Variants in LRBA observed in about 807,000 individuals in gnomAD.
The protein encoded by LRBA is LPS responsive beige-like anchor protein, also known as lipopolysaccharide-responsive and beige-like anchor protein.
A neutral mutation model predicts 330.0 loss-of-function variants in LRBA; 176 were observed. The observed-to-expected ratio is 0.53, with a 90% CI of 0.47 to 0.60. The LOEUF is 0.60. LRBA is among the 20% of genes least tolerant of loss of function. LRBA has a pLI of 0.00. For missense variants in LRBA, 3,259 were observed against 3,444.8 expected (o/e 0.95, Z 1.35); for synonymous variants, 1,230 against 1,193.0 (o/e 1.03, Z -0.64).
chr4:150,558,204 T>C (rs1003795809), intron 40 of LRBA, among the ~76,000 whole-genome samples: 1 of 152,090 alleles, frequency 6.6e-6, no homozygotes, highest in Non-Finnish European at 1.5e-5. Context: ...CGGCCCCATA[T>C]TGCACTCTTT....
chr4:150,443,614 G>A (rs1334936639), intron 44 of LRBA, among the ~76,000 whole-genome samples: 11 of 151,752 alleles, frequency 7.2e-5, no homozygotes, highest in Non-Finnish European at 1.2e-4. Context: ...ACCAAACACC[G>A]CATGTTCTCA....
intron 40 of LRBA, among the ~76,000 whole-genome samples, chr4:150,515,915 C>T (rs1052159730): frequency 6.6e-6 from 1 of 151,862 alleles, no homozygotes; most frequent in Admixed American, 6.6e-5. Flanking sequence ...ACACAAAGTA[C>T]AATCTGAACA....
chr4:150,549,972 C>G (rs964731076), intron 40 of LRBA, among the ~76,000 whole-genome samples: 2 of 152,136 alleles, frequency 1.3e-5, no homozygotes, highest in African/African-American at 4.8e-5. Context: ...TTAGGCCACA[C>G]CTCTTAGGCT....
At chr4:150,959,841 TAC>T (rs1488292337) in intron 2 of LRBA, among the ~76,000 whole-genome samples, 2 of 145,388 alleles carry the variant, frequency 1.4e-5, no homozygotes, top group Non-Finnish European at 3.0e-5. Flanking sequence ...AGAATGTAAA[TAC>T]ACAAAGAATA....
intron 47 of LRBA, among the ~76,000 whole-genome samples, chr4:150,373,352 G>A (rs1055643119): frequency 6.6e-6 from 1 of 151,940 alleles, no homozygotes; most frequent in African/African-American, 2.4e-5. Flanking sequence ...ACAACTCCTG[G>A]TCCATATTTT....
At chr4:150,687,856 T>C (rs1488550801) in intron 36 of LRBA, among the ~76,000 whole-genome samples, 2 of 152,060 alleles carry the variant, frequency 1.3e-5, no homozygotes, top group East Asian at 3.9e-4. Context: ...AGAATCAATA[T>C]CATGAAAATG....
At chr4:150,740,664 A>G (rs1409085979) in intron 35 of LRBA, among the ~76,000 whole-genome samples, 1 of 151,500 alleles carries the variant, frequency 6.6e-6, no homozygotes, top group East Asian at 1.9e-4. Context: ...AAAAAAGTTA[A>G]AACTTAAAGA....
chr4:150,471,880 CAA>C, intron 42 of LRBA, 141 bp from the exon 43 acceptor site: 1 of 583,368 alleles, frequency 1.7e-6, no homozygotes, highest in Non-Finnish European at 3.0e-6. Context: ...AGAGAGGTTT[CAA>C]TCTACAATTC....
chr4:150,810,935 T>A (rs1375828979), intron 31 of LRBA, among the ~76,000 whole-genome samples: 1 of 152,214 alleles, frequency 6.6e-6, no homozygotes, highest in Non-Finnish European at 1.5e-5. Context: ...TAAATATCAA[T>A]TCACATTTCA....
chr4:150,891,908 T>C (rs554028018), intron 17 of LRBA, among the ~76,000 whole-genome samples: 74 of 152,308 alleles, frequency 4.9e-4, no homozygotes, highest in African/African-American at 1.5e-3. Flanking sequence ...CTAGGCAACA[T>C]GGTGAGACTT....
intron 47 of LRBA, among the ~76,000 whole-genome samples, chr4:150,375,855 G>T (rs1432396988): frequency 1.3e-5 from 2 of 151,824 alleles, no homozygotes; most frequent in Non-Finnish European, 2.9e-5. Flanking sequence ...TATTTCCCAG[G>T]GCTCTGTTTT....
chr4:150,788,461 A>G (rs982531908), intron 34 of LRBA, among the ~76,000 whole-genome samples: 2 of 151,972 alleles, frequency 1.3e-5, no homozygotes, highest in African/African-American at 4.8e-5. Flanking sequence ...AAGGAAAGTA[A>G]TTTGCCAAGG....
chr4:150,778,791 C>G (rs953079740), intron 34 of LRBA, among the ~76,000 whole-genome samples: 2 of 152,168 alleles, frequency 1.3e-5, no homozygotes, highest in African/African-American at 4.8e-5. Context: ...TTTGGCAACT[C>G]TAGTTCTTCA....
chr4:150,586,441 C>A (rs1444899451), intron 40 of LRBA, among the ~76,000 whole-genome samples: 2 of 152,074 alleles, frequency 1.3e-5, no homozygotes, highest in African/African-American at 4.8e-5. Context: ...CATAAATGTC[C>A]TCATTTACAG....
chr4:150,952,959 C>A (rs1737013268), intron 2 of LRBA, among the ~76,000 whole-genome samples: 1 of 152,104 alleles, frequency 6.6e-6, no homozygotes. Flanking sequence ...CCCTCATCTC[C>A]CTCCATCAAG....
intron 37 of LRBA, among the ~76,000 whole-genome samples, chr4:150,625,979 AC>A (rs1189723665): frequency 6.6e-6 from 1 of 151,722 alleles, no homozygotes; most frequent in Non-Finnish European, 1.5e-5. Context: ...GGTGTGAGCC[AC>A]AGTCCTTGGC....
At position 150,618,848 on chromosome 4, in the gene LRBA, G is replaced by GTATATATATATATATA. The variant is rs34589903; in HGVS notation, c.5922-19733_5922-19718dup. Among the ~76,000 whole-genome samples the GTATATATATATATATA allele has an allele frequency of 4.1e-5, 6 of 146,258 alleles. No homozygotes were observed. In the South Asian group the frequency reaches 6.5e-4, roughly 16 times the overall value. ...ACATATATTATGTATATGTGTGTAT[G>GTATATATATATATATA]TATATATATATATATATATATATAC... is the stretch of plus-strand genomic sequence containing the variant. On this transcript the variant is annotated intron_variant, in intron 37 of 56. Transcript: ENST00000651943.
chr4:150,458,436 C>T (rs1754354687), intron 44 of LRBA, among the ~76,000 whole-genome samples: 2 of 151,858 alleles, frequency 1.3e-5, no homozygotes, highest in Middle Eastern at 6.8e-3. Context: ...GGTCAGTGTA[C>T]CCATGAAAAA....
chr4:150,833,769 T>G (rs1747572365), intron 28 of LRBA, among the ~76,000 whole-genome samples: 1 of 151,974 alleles, frequency 6.6e-6, no homozygotes, highest in African/African-American at 2.4e-5. Flanking sequence ...CAAGAAACTT[T>G]GCCACATTAA....
Sources: gnomAD v4.1 joint callset for allele counts (sites outside exome capture counted in the v4.1 genomes callset) on GRCh38, gnomAD v4.1.1 for gene constraint, MANE v1.5 for transcripts, NCBI Gene and HGNC (gene_info 2026-07-23, HGNC 2026-07-21) for gene names.